TMEM202: variants seen among roughly 807,000 people sequenced by gnomAD.
TMEM202 encodes the protein transmembrane protein 202.
A neutral mutation model predicts 26.1 loss-of-function variants in TMEM202; 25 were observed. That is an observed-to-expected ratio of 0.96 (90% CI 0.70 to 1.34). The LOEUF (loss-of-function observed/expected upper bound fraction) is 1.34. Ranked by LOEUF, TMEM202 falls within the 40% of genes most tolerant of loss-of-function variation. TMEM202 has a pLI of 0.00. For synonymous variants in TMEM202, 122 were observed against 119.0 expected, an observed-to-expected ratio of 1.02 and a Z score of -0.16; for missense variants, 301 against 327.7, an observed-to-expected ratio of 0.92 and a Z score of 0.63.
At chr15:72,398,512 TG>T (rs899379460) in intron 1 of TMEM202, 105 bp downstream of exon 1, 92 of 1,401,910 alleles carry the variant, frequency 6.6e-5, no homozygotes, top group East Asian at 1.9e-4. Flanking sequence ...CTGAAAATTG[TG>T]GGGTTTTTTT....
Position 72,398,311 on chromosome 15 carries a change from A to G in TMEM202, c.-16A>G. On this transcript the variant is annotated 5_prime_UTR_variant, in exon 1 of 5. Coordinates refer to ENST00000341689, the MANE Select transcript of TMEM202 (RefSeq NM_001080462.3). ...CAGAGACAAATTCCGTGGCAGTTAG[A>G]GAACTAACTGCCAAGATGGAGCGAA... The G allele has an allele frequency of 1.9e-6, 3 of 1,604,350 alleles. No homozygotes were observed. The highest frequency in any genetic ancestry group is 2.2e-5 in the South Asian group (2 of 89,572).
rs1347349525 is a variant in TMEM202, at chr15:72,398,341, A to G, written c.15A>G (p.Glu5=). Residue 5 remains glutamate, a synonymous_variant, in exon 1 of 5, where the codon GAA becomes GAG. Transcript: ENST00000341689. MERR[E]HLTLTFHSPE... Reference sequence around the variant, plus strand: ...TAACTGCCAAGATGGAGCGAAGGGAACATTTAACCTTGACTTTCCACAGTC... The same window carrying G: ...TAACTGCCAAGATGGAGCGAAGGGAGCATTTAACCTTGACTTTCCACAGTC... 2 of 1,613,220 alleles carry G rather than the reference A, an allele frequency of 1.2e-6. No individual in the cohort carries two copies. The highest frequency in any genetic ancestry group is 1.7e-6 in the Non-Finnish European group (2 of 1,179,692).
chr15:72,400,201 A>T (rs2063541022), intron 2 of TMEM202, among the ~76,000 whole-genome samples: 1 of 152,254 alleles, frequency 6.6e-6, no homozygotes, highest in African/African-American at 2.4e-5. Flanking sequence ...TCAAATAAAT[A>T]AGTTCTTTTT....
chr15:72,407,625 A>G, intron 4 of TMEM202, 66 bp from the exon 5 acceptor site: 1 of 1,473,124 alleles, frequency 6.8e-7, no homozygotes, highest in Non-Finnish European at 9.5e-7. Context: ...AAGGATGCAT[A>G]AGAATTTTAA....
chr15:72,400,785 G>A (rs1451327273), intron 2 of TMEM202, among the ~76,000 whole-genome samples: 1 of 152,170 alleles, frequency 6.6e-6, no homozygotes, highest in Admixed American at 6.6e-5. Context: ...AGGAATAAAA[G>A]AATGGCTACT....
chr15:72,407,562 C>A, intron 4 of TMEM202, 129 bp from the exon 5 acceptor site: 2 of 781,706 alleles, frequency 2.6e-6, no homozygotes, highest in Non-Finnish European at 4.2e-6. Context: ...TAAAGTAACT[C>A]CACTGGGGGA....
chr15:72,398,439 G>A, intron 1 of TMEM202, 32 bp downstream of exon 1: 1 of 1,566,338 alleles, frequency 6.4e-7, no homozygotes. Flanking sequence ...AGTCAGATGG[G>A]AAGAAGAGAA....
intron 2 of TMEM202, 45 bp downstream of exon 2, chr15:72,398,953 G>T (rs1347902167): frequency 1.9e-6 from 3 of 1,576,010 alleles, no homozygotes; most frequent in Non-Finnish European, 1.7e-6. Context: ...CACAATTGCA[G>T]AGCTTTCTGC....
rs941599806 is a variant in TMEM202, at chr15:72,398,871, C to T, written c.300C>T (p.Asn100=). The change falls in exon 2 of 5, where the codon AAC becomes AAT. Residue 100 remains asparagine (N), a synonymous_variant. Transcript: ENST00000341689. ...ACGCAGGACTCTGGACCTTATGCAA[C>T]CATGAGCTGTGCTGGAGCCACACAC... The part of the protein sequence containing the change: ...ELYAGLWTLC[N]HELCWSHTPK... The T allele has an allele frequency of 1.2e-5, 20 of 1,612,884 alleles. No individual in the cohort carries two copies. The highest frequency in any genetic ancestry group is 1.6e-5 in the Non-Finnish European group (19 of 1,179,210).
chr15:72,405,733 A>T (rs774333792), intron 2 of TMEM202, among the ~76,000 whole-genome samples: 2 of 152,162 alleles, frequency 1.3e-5, no homozygotes, highest in Non-Finnish European at 2.9e-5. Context: ...CACGCCTTTA[A>T]TCCCAGCACT....
chr15:72,398,487 A>G, intron 1 of TMEM202, 80 bp downstream of exon 1: 1 of 1,433,310 alleles, frequency 7.0e-7, no homozygotes. Context: ...CATCCTAAAG[A>G]CAGAAAAGAT....
chr15:72,406,894 T>G (rs2063574434), intron 3 of TMEM202, 143 bp downstream of exon 3: 1 of 1,174,452 alleles, frequency 8.5e-7, no homozygotes, highest in Admixed American at 2.4e-5. Flanking sequence ...CTGCCTTATC[T>G]AATTATATAG....
intron 2 of TMEM202, 38 bp downstream of exon 2, chr15:72,398,946 A>G (rs369389043): frequency 1.2e-4 from 192 of 1,581,840 alleles, no homozygotes; most frequent in Non-Finnish European, 1.6e-4. Flanking sequence ...GGCCCCACAC[A>G]ATTGCAGAGC....
rs756589298 is a variant in TMEM202 at position 72,398,629 on chromosome 15, G to A, written c.82-24G>A. 11 of 1,611,056 alleles carry A rather than the reference G, an allele frequency of 6.8e-6. 1 individual carries two copies. The highest frequency in any genetic ancestry group is 1.7e-4 in the Middle Eastern group (1 of 6,042). ...GATCAGGGGTTATTCTTTCGGGTAG[G>A]CAATATTTCCCTCATCCTTGTAGCC... is the stretch of plus-strand genomic sequence containing the variant. On this transcript the variant is annotated intron_variant, in intron 1 of 4. Coordinates refer to ENST00000341689, the MANE Select transcript of TMEM202 (RefSeq NM_001080462.3).
Position 72,407,913 on chromosome 15 carries a change from C to A in TMEM202, c.*20C>A. 6.2e-7 allele frequency: 1 copy of A among 1,602,804 alleles called. No homozygotes were observed. Among genetic ancestry groups the A allele is most frequent in the Non-Finnish European group, 8.5e-7 (1 of 1,172,750 alleles). On this transcript the variant is annotated 3_prime_UTR_variant, in exon 5 of 5. Transcript: ENST00000341689. ...TGGTGATAGGAAAACCTAACTATAG[C>A]TTGTCTTAAAAGCAGGGGAGAAGCT...
rs1228065744 is a variant in TMEM202 at position 72,398,691 on chromosome 15, G to A, written c.120G>A (p.Met40Ile). The A allele has an allele frequency of 2.5e-6, 4 of 1,614,182 alleles. No individual in the cohort carries two copies. Among genetic ancestry groups the A allele is most frequent in the Admixed American group, 1.7e-5 (1 of 60,010 alleles). The stretch of plus-strand genomic sequence containing the variant: ...CCAAGAAACATCCAAGTGCCTCGAT[G>A]TCATGCCAAAGGCAGCAGCAGCTTA... The part of the protein sequence containing the change: ...VPAKKHPSAS[M>I]SCQRQQQLMD... Residue 40 changes from methionine (M) to isoleucine (I), a missense_variant, in exon 2 of 5, where the codon ATG (methionine) becomes ATA (isoleucine). Coordinates refer to ENST00000341689, the MANE Select transcript of TMEM202 (RefSeq NM_001080462.3).
At chr15:72,407,667 C>T (rs1339877571) in intron 4 of TMEM202, 24 bp from the exon 5 acceptor site, 1 of 1,609,324 alleles carries the variant, frequency 6.2e-7, no homozygotes, top group Non-Finnish European at 8.5e-7. Context: ...TTGAACCTCA[C>T]CTCAAATTAT....
intron 1 of TMEM202, 109 bp downstream of exon 1, chr15:72,398,516 G>T (rs534777037): frequency 1.2e-3 from 1,391 of 1,153,906 alleles, no homozygotes; most frequent in African/African-American, 2.5e-3. Flanking sequence ...AAATTGTGGG[G>T]TTTTTTTTTT....
At position 72,406,760 on chromosome 15, in the gene TMEM202, C is replaced by T. The variant is rs114854869; in HGVS notation, c.487+9C>T. On this transcript the variant is annotated intron_variant, in intron 3 of 4. Transcript: ENST00000341689. ...GCTCAGCTTCATCTCAGGTACAGAC[C>T]TAGACTGGCAGGGTATTTTACCATG... The T allele has an allele frequency of 1.2e-6, 2 of 1,613,264 alleles. No homozygotes were observed. Among genetic ancestry groups the T allele is most frequent in the South Asian group, 2.2e-5 (2 of 90,886 alleles).
Sources: allele counts gnomAD v4.1 joint callset (sites outside exome capture counted in the v4.1 genomes callset), GRCh38; gene constraint gnomAD v4.1.1; transcripts MANE v1.5; gene names NCBI Gene and HGNC (gene_info 2026-07-23, HGNC 2026-07-21).